The following WIPF2 variants were observed in gnomAD, a reference collection of about 807,000 sequenced individuals.
The protein encoded by WIPF2 is WAS/WASL-interacting protein family member 2.
WIPF2 carries 23 observed loss-of-function variants against 38.8 expected under a neutral mutation model. The observed-to-expected ratio is 0.59, with a 90% CI of 0.43 to 0.84. The LOEUF is 0.84. Ranked by LOEUF, WIPF2 falls within the 40% of genes least tolerant of loss-of-function variation. WIPF2 has a pLI of 0.00. For missense variants in WIPF2, 574 were observed against 580.5 expected, an observed-to-expected ratio of 0.99 and a Z score of 0.11; for synonymous variants, 210 against 223.2, an observed-to-expected ratio of 0.94 and a Z score of 0.53.
intron 1 of WIPF2, among the ~76,000 whole-genome samples, chr17:40,241,632 T>G (rs1261475422): frequency 6.6e-6 from 1 of 152,166 alleles, no homozygotes; most frequent in African/African-American, 2.4e-5. Context: ...TCTGCACCAA[T>G]TTACTAAGTC....
chr17:40,219,421 G>A lies in WIPF2; in HGVS notation c.-141G>A. ...GGCGACGGCGAGAAAGAGCTTGCCG[G>A]GGGGCGAGCAGGACAGGACGAAGCC... On this transcript the variant is annotated 5_prime_UTR_variant, in exon 1 of 8. Transcript: ENST00000323571. 2.6e-6 allele frequency: 1 copy of A among 388,904 alleles called. No individual in the cohort carries two copies. The highest frequency in any genetic ancestry group is 4.9e-6 in the Non-Finnish European group (1 of 204,800). The allele number at this position is 388,904 out of a possible 1,614,324, so 24.1% of individuals were successfully genotyped here.
chr17:40,229,185 C>G (rs1346637335), intron 1 of WIPF2, among the ~76,000 whole-genome samples: 1 of 151,554 alleles, frequency 6.6e-6, no homozygotes, highest in Non-Finnish European at 1.5e-5. Context: ...GATCTCAACT[C>G]ACCGCAACCT....
At chr17:40,235,993 C>T (rs1274664440) in intron 1 of WIPF2, among the ~76,000 whole-genome samples, 3 of 150,338 alleles carry the variant, frequency 2.0e-5, no homozygotes. Flanking sequence ...GAGTCTTGCT[C>T]TGTCACCCAG....
At chr17:40,264,454 A>G (rs745762498) in intron 4 of WIPF2, 36 bp from the exon 5 acceptor site, 2 of 1,607,768 alleles carry the variant, frequency 1.2e-6, no homozygotes, top group Non-Finnish European at 1.7e-6. Context: ...ATATCTGTCC[A>G]GCTCTGTTGA....
chr17:40,245,423 A>G (rs1459183378), intron 1 of WIPF2, among the ~76,000 whole-genome samples: 3 of 151,424 alleles, frequency 2.0e-5, no homozygotes, highest in Non-Finnish European at 2.9e-5. Flanking sequence ...GCTTACTGCA[A>G]CCTCCACCTC....
intron 5 of WIPF2, 174 bp from the exon 6 acceptor site, chr17:40,273,616 C>T (rs963987940): frequency 6.9e-6 from 4 of 577,912 alleles, no homozygotes; most frequent in Non-Finnish European, 9.4e-6. Context: ...TACATTTATT[C>T]TGAATGTTGG....
intron 1 of WIPF2, 93 bp from the exon 2 acceptor site, chr17:40,256,298 C>T (rs926702228): frequency 1.0e-6 from 1 of 980,636 alleles, no homozygotes; most frequent in Non-Finnish European, 1.5e-6. Flanking sequence ...GGTGTTCAGT[C>T]TCTTTTGATT....
chr17:40,260,508 T>A (rs556140108), intron 2 of WIPF2, 27 bp from the exon 3 acceptor site: 2 of 1,611,930 alleles, frequency 1.2e-6, no homozygotes, highest in African/African-American at 1.3e-5. Flanking sequence ...CTCTTTAGGG[T>A]GAACTTATAT....
At chr17:40,267,728 C>T (rs1020492701) in intron 5 of WIPF2, among the ~76,000 whole-genome samples, 4 of 152,216 alleles carry the variant, frequency 2.6e-5, no homozygotes, top group Middle Eastern at 3.4e-3. Context: ...TTAGTAGAAA[C>T]GGGTTTTCGC....
At chr17:40,265,452 G>T (rs2032059526) in intron 5 of WIPF2, among the ~76,000 whole-genome samples, 1 of 152,148 alleles carries the variant, frequency 6.6e-6, no homozygotes, top group African/African-American at 2.4e-5. Context: ...TTGGAGGAGT[G>T]GGGAGAGAGT....
chr17:40,232,179 A>ATTTTTTTTTTTTT lies in WIPF2; in HGVS notation c.-70+12703_-70+12715dup, dbSNP rs752876006. ...AGGCACATGCCACCATGCCTGGCTA[A>ATTTTTTTTTTTTT]TTTTTTTTTTTTTTTTTTTTTTTTT... is the stretch of plus-strand genomic sequence containing the variant. On this transcript the variant is annotated intron_variant, in intron 1 of 7. Coordinates refer to ENST00000323571, the MANE Select transcript of WIPF2 (RefSeq NM_133264.5). Among the ~76,000 whole-genome samples, 5 of 76,052 alleles carry ATTTTTTTTTTTTT rather than the reference A, an allele frequency of 6.6e-5. 1 individual carries two copies. Among genetic ancestry groups the ATTTTTTTTTTTTT allele is most frequent in the East Asian group, 9.4e-4 (2 of 2,118 alleles). 49.9% of individuals were successfully genotyped at this position (76,052 alleles called of 152,430 possible).
Position 40,219,362 on chromosome 17 carries a change from G to A in WIPF2, c.-200G>A, listed in dbSNP as rs1326979976. ...AGATCCATTTCCGGGTTGGCAAAAG[G>A]GGCGGTGGCGGCGGCGGCGGCGGCG... On this transcript the variant is annotated 5_prime_UTR_variant, in exon 1 of 8. Coordinates refer to ENST00000323571, the MANE Select transcript of WIPF2 (RefSeq NM_133264.5). 5 of 378,386 alleles carry A rather than the reference G, an allele frequency of 1.3e-5. No individual in the cohort carries two copies. Among genetic ancestry groups the A allele is most frequent in the Non-Finnish European group, 2.5e-5 (5 of 201,212 alleles). 23.4% of individuals were successfully genotyped at this position (378,386 alleles called of 1,614,324 possible).
chr17:40,275,243 A>C, intron 6 of WIPF2, among the ~76,000 whole-genome samples: 1 of 145,162 alleles, frequency 6.9e-6, no homozygotes, highest in African/African-American at 2.5e-5. Flanking sequence ...TCCGTCTCAA[A>C]AAAAAAAAAA....
intron 1 of WIPF2, among the ~76,000 whole-genome samples, chr17:40,223,674 A>C (rs189474744): frequency 2.1e-3 from 303 of 140,948 alleles, no homozygotes; most frequent in Non-Finnish European, 3.8e-3. Context: ...ATCTCTGCTC[A>C]CTGCAACCTC....
At chr17:40,229,839 G>A (rs1476669899) in intron 1 of WIPF2, among the ~76,000 whole-genome samples, 1 of 152,216 alleles carries the variant, frequency 6.6e-6, no homozygotes, top group East Asian at 1.9e-4. Flanking sequence ...GGTCTCTGAG[G>A]AATTGACTTT....
At chr17:40,239,677 T>C (rs1470417809) in intron 1 of WIPF2, among the ~76,000 whole-genome samples, 1 of 151,564 alleles carries the variant, frequency 6.6e-6, no homozygotes, top group Non-Finnish European at 1.5e-5. Flanking sequence ...TTTGGACTCT[T>C]TGGTTCAGCT....
intron 5 of WIPF2, among the ~76,000 whole-genome samples, chr17:40,266,689 C>T (rs1248255990): frequency 6.6e-6 from 1 of 151,944 alleles, no homozygotes; most frequent in African/African-American, 2.4e-5. Context: ...TTTCCCATCC[C>T]AAGATGGGAG....
At chr17:40,275,840 T>C (rs547986761) in intron 6 of WIPF2, among the ~76,000 whole-genome samples, 123 of 152,294 alleles carry the variant, frequency 8.1e-4, no homozygotes, top group Non-Finnish European at 1.4e-3. Flanking sequence ...GTGCTGGGAT[T>C]ACAGGCATGA....
chr17:40,272,250 C>T (rs2032272064), intron 5 of WIPF2, among the ~76,000 whole-genome samples: 1 of 152,136 alleles, frequency 6.6e-6, no homozygotes, highest in African/African-American at 2.4e-5. Context: ...AACTCCCGAC[C>T]TCAGGTGATC....
Sources: gnomAD v4.1 joint callset for allele counts (sites outside exome capture counted in the v4.1 genomes callset) on GRCh38, gnomAD v4.1.1 for gene constraint, MANE v1.5 for transcripts, NCBI Gene and HGNC (gene_info 2026-07-23, HGNC 2026-07-21) for gene names.